HIVEP3: variants seen among roughly 807,000 people sequenced by gnomAD.
HIVEP3 encodes transcription factor HIVEP3.
A neutral mutation model predicts 152.8 loss-of-function variants in HIVEP3; 49 were observed. The ratio of observed to expected loss-of-function variants is 0.32; its 90% CI spans 0.26 to 0.41. The LOEUF (loss-of-function observed/expected upper bound fraction) is 0.41. HIVEP3 is among the 10% of genes least tolerant of loss of function. The probability of loss-of-function intolerance (pLI) is 1.00; values close to 1 mark genes in which losing one functional copy is unlikely to be tolerated. For missense variants in HIVEP3, 2,790 were observed against 3,103.3 expected, an observed-to-expected ratio of 0.90 and a Z score of 2.40; for synonymous variants, 1,269 against 1,289.0, an observed-to-expected ratio of 0.98 and a Z score of 0.33.
intron 1 of HIVEP3, among the ~76,000 whole-genome samples, chr1:41,896,387 G>A (rs975338940): frequency 3.9e-5 from 6 of 152,208 alleles, no homozygotes; most frequent in African/African-American, 9.6e-5. Flanking sequence ...GTGAACTTGC[G>A]TGGTGTCCAA....
intron 3 of HIVEP3, among the ~76,000 whole-genome samples, chr1:41,615,365 C>A (rs1266765361): frequency 6.6e-6 from 1 of 152,188 alleles, no homozygotes; most frequent in Non-Finnish European, 1.5e-5. Flanking sequence ...ACTGGGGCTG[C>A]CCCCCATCTC....
At chr1:41,733,108 T>C (rs7526787) in intron 1 of HIVEP3, among the ~76,000 whole-genome samples, 44,341 of 152,072 alleles carry the variant, frequency 0.29, 7,381 homozygotes, top group South Asian at 0.47. Context: ...TGAATTTTCA[T>C]GCTGGTCCCT....
At chr1:41,788,956 A>G (rs1649527649) in intron 1 of HIVEP3, among the ~76,000 whole-genome samples, 1 of 152,152 alleles carries the variant, frequency 6.6e-6, no homozygotes, top group Non-Finnish European at 1.5e-5. Flanking sequence ...TCCCAGCTCC[A>G]TGGAACGTGA....
intron 1 of HIVEP3, among the ~76,000 whole-genome samples, chr1:41,822,634 A>AT (rs1642640488): frequency 6.6e-6 from 1 of 152,138 alleles, no homozygotes; most frequent in Admixed American, 6.5e-5. Flanking sequence ...GCAGTTCTGC[A>AT]TTTTTTCCCA....
rs1208601655 is a variant in HIVEP3, at chr1:41,605,127, AAAGGG to A, written c.-521-19814_-521-19810del. Among the ~76,000 whole-genome samples, 32 of 127,814 alleles carry A rather than the reference AAAGGG, an allele frequency of 2.5e-4. No homozygotes were observed. In the South Asian group the frequency reaches 3.3e-3, roughly 13 times the overall value. The allele number at this position is 127,814 out of a possible 152,430, so 83.9% of individuals were successfully genotyped here. A position where few individuals can be genotyped will look rare whatever the true frequency, so the allele number is the denominator to read the frequency against. On this transcript the variant is annotated intron_variant, in intron 3 of 8. Transcript: ENST00000372583. Reference sequence around the variant, plus strand: ...CTCCAATAAAAAAAAAAAAAAAGAGAAAGGGAAGGGAAGGGAAGGGAAGCGGAGGG... The same window carrying A: ...CTCCAATAAAAAAAAAAAAAAAGAGAAAGGGAAGGGAAGGGAAGCGGAGGG...
chr1:41,828,813 G>C (rs1642877052), intron 1 of HIVEP3, among the ~76,000 whole-genome samples: 1 of 152,224 alleles, frequency 6.6e-6, no homozygotes, highest in South Asian at 2.1e-4. Flanking sequence ...TCTCCATCCA[G>C]AATCCCTTTC....
At chr1:41,729,068 TC>T (rs1186567713) in intron 1 of HIVEP3, among the ~76,000 whole-genome samples, 5 of 152,200 alleles carry the variant, frequency 3.3e-5, no homozygotes, top group Non-Finnish European at 1.5e-5. Context: ...GCCACGTGCT[TC>T]CCCCAACACA....
intron 1 of HIVEP3, among the ~76,000 whole-genome samples, chr1:41,913,428 G>A (rs1186571164): frequency 6.6e-6 from 1 of 152,080 alleles, no homozygotes; most frequent in Non-Finnish European, 1.5e-5. Flanking sequence ...AGACATATTT[G>A]CTCTATTGTC....
At chr1:41,554,563 G>A (rs1179459481) in intron 5 of HIVEP3, among the ~76,000 whole-genome samples, 2 of 152,198 alleles carry the variant, frequency 1.3e-5, no homozygotes, top group South Asian at 4.1e-4. Flanking sequence ...TGGAGGAGAA[G>A]AGGCACTCTG....
At chr1:41,542,375 C>CA in intron 5 of HIVEP3, 1 of 157,374 alleles carries the variant, frequency 6.4e-6, no homozygotes, top group Non-Finnish European at 1.4e-5. Context: ...AGATCACAGC[C>CA]AAGGGGACCA....
chr1:41,778,776 G>C (rs889141799), intron 1 of HIVEP3, among the ~76,000 whole-genome samples: 1 of 152,180 alleles, frequency 6.6e-6, no homozygotes, highest in Non-Finnish European at 1.5e-5. Flanking sequence ...GTATCATCTG[G>C]CAGTAAGTGG....
rs370594724 is a variant in HIVEP3 at position 41,888,475 on chromosome 1, C to T, written c.-801+29938G>A. 1.4e-4 allele frequency among the ~76,000 whole-genome samples: 22 copies of T among 151,864 alleles called. No homozygotes were observed. The South Asian group carries it at 4.4e-3, about 30-fold the overall frequency. Reference sequence around the variant, plus strand: ...GAGGAGAAGGAGGAGAAAGGAAGGCCTATCCAGAGAGAAGAGAGGGACAGC... The same window carrying T: ...GAGGAGAAGGAGGAGAAAGGAAGGCTTATCCAGAGAGAAGAGAGGGACAGC... On this transcript the variant is annotated intron_variant, in intron 1 of 8. Transcript: ENST00000372583.
intron 1 of HIVEP3, among the ~76,000 whole-genome samples, chr1:41,745,841 A>T (rs911875938): frequency 2.0e-5 from 3 of 152,242 alleles, no homozygotes; most frequent in Non-Finnish European, 4.4e-5. Flanking sequence ...GAGAAAGCAG[A>T]TGCGGCTGTT....
At position 41,662,312 on chromosome 1, in the gene HIVEP3, T is replaced by G. The variant is rs1280104418; in HGVS notation, c.-720-33365A>C. 1 of 143,356 alleles carries G rather than the reference T, an allele frequency of 7.0e-6. No individual in the cohort carries two copies. Among genetic ancestry groups the G allele is most frequent in the East Asian group, 2.1e-4 (1 of 4,756 alleles). The allele number at this position is 143,356 out of a possible 1,614,324, so 8.9% of individuals were successfully genotyped here. ...CGCTGGCGGCCCACGCGGCGCGGGG[T>G]GGGCGCGGGGCGGGCTGGCGGGCGG... On this transcript the variant is annotated intron_variant, in intron 2 of 8. Transcript: ENST00000372583. This position sits in a 1 kb window ranked among gnomAD's most constrained non-coding sequence, Gnocchi z 7.2.
At chr1:41,527,627 C>T (rs11579153) in intron 5 of HIVEP3, among the ~76,000 whole-genome samples, 39,522 of 121,310 alleles carry the variant, frequency 0.33, 8,046 homozygotes, top group Non-Finnish European at 0.44. Context: ...CCCTCACACT[C>T]GCACTCCACA....
intron 1 of HIVEP3, among the ~76,000 whole-genome samples, chr1:41,734,271 T>C (rs1646883442): frequency 6.6e-6 from 1 of 152,348 alleles, no homozygotes; most frequent in East Asian, 1.9e-4. Context: ...CTGTGTGGCC[T>C]TGGCCAGCCA....
At chr1:41,789,700 T>C (rs1451966506) in intron 1 of HIVEP3, among the ~76,000 whole-genome samples, 1 of 152,160 alleles carries the variant, frequency 6.6e-6, no homozygotes, top group African/African-American at 2.4e-5. Context: ...CACAGACTAT[T>C]TGGGAGCTAT....
intron 1 of HIVEP3, among the ~76,000 whole-genome samples, chr1:41,796,302 G>A (rs1455025951): frequency 2.1e-4 from 32 of 152,204 alleles, no homozygotes; most frequent in Non-Finnish European, 8.8e-5. Context: ...CTGATCCCAC[G>A]GCCATCTGCC....
chr1:41,550,581 G>A (rs567630984), intron 5 of HIVEP3, among the ~76,000 whole-genome samples: 1 of 152,146 alleles, frequency 6.6e-6, no homozygotes, highest in Non-Finnish European at 1.5e-5. Flanking sequence ...TCCTTGAAGA[G>A]GTCCTTCACA....
Sources: gnomAD v4.1 joint callset for allele counts (sites outside exome capture counted in the v4.1 genomes callset) on GRCh38, gnomAD v4.1.1 for gene constraint, Gnocchi (gnomAD v3.1) non-coding constraint, MANE v1.5 for transcripts, NCBI Gene and HGNC (gene_info 2026-07-23, HGNC 2026-07-21) for gene names.